Variants in PAX8 observed in about 807,000 individuals in gnomAD.
The protein encoded by PAX8 is paired box protein Pax-8.
In PAX8, 15 loss-of-function variants were observed where a neutral mutation model predicts 52.4. That is an observed-to-expected ratio of 0.29 (90% CI 0.19 to 0.44). The LOEUF (loss-of-function observed/expected upper bound fraction) is 0.44, where lower values mean the gene tolerates loss of function less well. Among genes scored for constraint, PAX8 ranks in the 20% least tolerant of loss-of-function variants. PAX8 has a pLI of 1.00. For synonymous variants in PAX8, 284 were observed against 249.7 expected, an observed-to-expected ratio of 1.14 and a Z score of -1.29; for missense variants, 554 against 602.5, an observed-to-expected ratio of 0.92 and a Z score of 0.84.
chr2:113,266,500 C>G (rs1383248801), intron 2 of PAX8: 1 of 152,178 alleles, frequency 6.6e-6, no homozygotes, highest in African/African-American at 2.4e-5. Context: ...TGTAAATTCT[C>G]CATGCTGGGG....
chr2:113,227,907 T>A (rs552816142), intron 9 of PAX8, among the ~76,000 whole-genome samples: 1 of 152,362 alleles, frequency 6.6e-6, no homozygotes, highest in East Asian at 1.9e-4. Context: ...GAAGGAGATG[T>A]GGCGGAGATA....
At position 113,216,196 on chromosome 2, in the gene PAX8, C is replaced by A. The variant is rs1258217473; in HGVS notation, c.*2337G>T. 2.2e-5 allele frequency: 5 copies of A among 230,634 alleles called. No individual in the cohort carries two copies. Among genetic ancestry groups the A allele is most frequent in the Non-Finnish European group, 3.4e-5 (4 of 116,472 alleles). 14.3% of individuals were successfully genotyped at this position (230,634 alleles called of 1,614,324 possible). On this transcript the variant is annotated 3_prime_UTR_variant, in exon 12 of 12. Coordinates refer to ENST00000429538, the MANE Select transcript of PAX8 (RefSeq NM_003466.4). ...CCAGAGGTTTGTGGTCAGGAAGACT[C>A]TCAGATGTCATGGATTCGGAGTCGC...
At chr2:113,259,412 T>A (rs1193877239) in intron 2 of PAX8, 5 of 153,178 alleles carry the variant, frequency 3.3e-5, no homozygotes, top group African/African-American at 1.2e-4. Context: ...CCAGCCCCTG[T>A]CCTCTCTTTG....
chr2:113,277,524 G>T (rs1421413558), intron 2 of PAX8, among the ~76,000 whole-genome samples: 1 of 152,124 alleles, frequency 6.6e-6, no homozygotes, highest in Non-Finnish European at 1.5e-5. Flanking sequence ...CCCATAAATC[G>T]CCTTCTCTGC....
At chr2:113,232,075 C>T (rs897394355) in intron 9 of PAX8, among the ~76,000 whole-genome samples, 2 of 152,192 alleles carry the variant, frequency 1.3e-5, no homozygotes, top group African/African-American at 4.8e-5. Flanking sequence ...GGTCTGCAGC[C>T]TCCTGCGCTC....
At chr2:113,237,119 A>C (rs1558704869) in intron 7 of PAX8, 1 of 172,394 alleles carries the variant, frequency 5.8e-6, no homozygotes, top group Non-Finnish European at 1.2e-5. Context: ...ATTCTTCCCC[A>C]GATAGGAAAC....
chr2:113,274,224 C>A (rs1462269591), intron 2 of PAX8: 1 of 152,146 alleles, frequency 6.6e-6, no homozygotes, highest in Non-Finnish European at 1.5e-5. Context: ...CGTTTTCTTA[C>A]TTCCTTTTCA....
At chr2:113,258,905 G>T (rs903960345) in intron 2 of PAX8, among the ~76,000 whole-genome samples, 2 of 152,134 alleles carry the variant, frequency 1.3e-5, no homozygotes, top group South Asian at 4.1e-4. Context: ...GGATGGAGCT[G>T]CTTCAAATGT....
At position 113,217,489 on chromosome 2, in the gene PAX8, T is replaced by G. The variant is rs1478; in HGVS notation, c.*1044A>C. The G allele has an allele frequency of 0.24, 56,106 of 229,214 alleles. 8,098 individuals are homozygous for G. Among genetic ancestry groups the G allele is most frequent in the African/African-American group, 0.43 (19,554 of 44,964 alleles). 14.2% of individuals were successfully genotyped at this position (229,214 alleles called of 1,614,324 possible). A position where few individuals can be genotyped will look rare whatever the true frequency, so the allele number is the denominator to read the frequency against. The stretch of plus-strand genomic sequence containing the variant: ...TCACTCAGAGGCCAAAGTCTGGGGG[T>G]TAGAAAGAAGGAAGCTTGACCCAAA... On this transcript the variant is annotated 3_prime_UTR_variant, in exon 12 of 12. Transcript: ENST00000429538.
intron 7 of PAX8, chr2:113,237,494 CAA>C (rs1324755849): frequency 1.3e-5 from 2 of 152,154 alleles, no homozygotes; most frequent in African/African-American, 4.8e-5. Flanking sequence ...CACATCCAAA[CAA>C]ATAGAAGTGT....
At chr2:113,252,778 C>T (rs1184997610) in intron 2 of PAX8, among the ~76,000 whole-genome samples, 1 of 152,184 alleles carries the variant, frequency 6.6e-6, no homozygotes, top group Non-Finnish European at 1.5e-5. Flanking sequence ...ATTATCCTCC[C>T]ATTTAAAAAC....
chr2:113,241,976 ACCGCCCGCTGCCCTCCTGTCC>A lies in PAX8; in HGVS notation c.601+11_601+31del. On this transcript the variant is annotated intron_variant, in intron 6 of 11. Transcript: ENST00000429538. ...AAGCCTGAGCAAACTGCTCTCGTGC[ACCGCCCGCTGCCCTCCTGTCC>A]CAGCACTCACTGTCATCCATTTTCC... 1 of 1,611,504 alleles carries A rather than the reference ACCGCCCGCTGCCCTCCTGTCC, an allele frequency of 6.2e-7. No individual in the cohort carries two copies. The highest frequency in any genetic ancestry group is 8.5e-7 in the Non-Finnish European group (1 of 1,178,784).
intron 2 of PAX8, chr2:113,267,791 T>G (rs1693186384): frequency 6.6e-6 from 1 of 152,264 alleles, no homozygotes; most frequent in Non-Finnish European, 1.5e-5. Context: ...CTGCACATAC[T>G]TCTACATTTT....
chr2:113,248,848 C>G (rs952616742), intron 2 of PAX8, among the ~76,000 whole-genome samples: 1 of 151,956 alleles, frequency 6.6e-6, no homozygotes, highest in African/African-American at 2.4e-5. Context: ...TGCCTGTAAT[C>G]CCAGCTACTC....
chr2:113,244,880 G>A (rs571209569), intron 3 of PAX8, among the ~76,000 whole-genome samples: 1 of 152,110 alleles, frequency 6.6e-6, no homozygotes, highest in African/African-American at 2.4e-5. Flanking sequence ...CCTTCCCTCT[G>A]GCCAGTCTCT....
intron 2 of PAX8, chr2:113,270,239 GA>G (rs1189824880): frequency 6.6e-6 from 1 of 152,180 alleles, no homozygotes; most frequent in Non-Finnish European, 1.5e-5. Context: ...ATGTGTTCTG[GA>G]GACTCCACTC....
intron 9 of PAX8, among the ~76,000 whole-genome samples, chr2:113,232,800 A>G (rs1190986142): frequency 6.6e-6 from 1 of 152,020 alleles, no homozygotes; most frequent in African/African-American, 2.4e-5. Flanking sequence ...ACTCTGATAC[A>G]TCTATCCACT....
rs1259410787 is a variant in PAX8, at chr2:113,236,462, C to T, written c.898+139G>A. The T allele has an allele frequency of 6.5e-6, 6 of 923,670 alleles. No homozygotes were observed. In the Admixed American group the frequency reaches 1.4e-4, roughly 21 times the overall value. 57.2% of individuals were successfully genotyped at this position (923,670 alleles called of 1,614,324 possible). A position where few individuals can be genotyped will look rare whatever the true frequency, so the allele number is the denominator to read the frequency against. Reference sequence around the variant, plus strand: ...CCCGGCCTAGGACCGGAGGCGCGACCCCTGGGCCCACCTGGCGGCCCGGCC... The same window carrying T: ...CCCGGCCTAGGACCGGAGGCGCGACTCCTGGGCCCACCTGGCGGCCCGGCC... On this transcript the variant is annotated intron_variant, in intron 8 of 11. Coordinates refer to ENST00000429538, the MANE Select transcript of PAX8 (RefSeq NM_003466.4).
chr2:113,247,093 A>T (rs1691388235), intron 2 of PAX8, among the ~76,000 whole-genome samples, 174 bp from the exon 3 acceptor site: 2 of 152,202 alleles, frequency 1.3e-5, no homozygotes, highest in African/African-American at 2.4e-5. Context: ...CACTCCCAAG[A>T]TGCTGGCACA....
Sources: gnomAD v4.1 joint callset for allele counts (sites outside exome capture counted in the v4.1 genomes callset) on GRCh38, gnomAD v4.1.1 for gene constraint, MANE v1.5 for transcripts, NCBI Gene and HGNC (gene_info 2026-07-23, HGNC 2026-07-21) for gene names.